Variants in PVT1 observed in about 807,000 individuals in gnomAD.
PVT1 encodes CXCR4/PVT1 fusion.
At chr8:127,918,052 TA>T (rs770019123) in intron 3 of PVT1, among the ~76,000 whole-genome samples, 1 of 152,250 alleles carries the variant, frequency 6.6e-6, no homozygotes, top group African/African-American at 2.4e-5. Context: ...CTGATGAAAG[TA>T]GTTGACATTT....
At chr8:128,083,029 G>A (rs1814207253) in intron 5 of PVT1, among the ~76,000 whole-genome samples, 1 of 152,176 alleles carries the variant, frequency 6.6e-6, no homozygotes, top group African/African-American at 2.4e-5. Context: ...GCACAGTGTA[G>A]AGCAGCTTAA....
chr8:127,826,876 T>G (rs891506216), intron 2 of PVT1, among the ~76,000 whole-genome samples: 1 of 152,178 alleles, frequency 6.6e-6, no homozygotes, highest in Non-Finnish European at 1.5e-5. Context: ...TGCTTCTTAA[T>G]GCAAGGAAAG....
chr8:127,850,046 A>G (rs570364778), intron 2 of PVT1, among the ~76,000 whole-genome samples: 9 of 151,800 alleles, frequency 5.9e-5, no homozygotes, highest in African/African-American at 2.2e-4. Context: ...CACAGCCTGT[A>G]CATATGTGTA....
chr8:128,018,695 TC>T (rs1374917927), intron 4 of PVT1, among the ~76,000 whole-genome samples: 1 of 152,190 alleles, frequency 6.6e-6, no homozygotes, highest in Non-Finnish European at 1.5e-5. Context: ...GGAGGCTGCA[TC>T]CTGACATTGA....
intron 3 of PVT1, among the ~76,000 whole-genome samples, chr8:127,969,293 A>T (rs1405245796): frequency 6.6e-6 from 1 of 152,120 alleles, no homozygotes; most frequent in Admixed American, 6.5e-5. Context: ...CATAGTTTGC[A>T]TCAACCAGGT....
Position 128,100,088 on chromosome 8 carries a change from A to G in PVT1, n.1251+3434A>G, listed in dbSNP as rs894610194. On this transcript the variant is annotated intron_variant and non_coding_transcript_variant, in intron 6 of 10. Transcript: ENST00000651587. ...AATGCTGAGTCTGCAAATTCCATAA[A>G]TTCTCCTTCCCTCCCTCCCTCCCAA... Among the ~76,000 whole-genome samples, 13 of 151,544 alleles carry G rather than the reference A, an allele frequency of 8.6e-5. No homozygotes were observed. In the East Asian group the frequency reaches 2.0e-3, roughly 23 times the overall value.
At chr8:127,947,386 A>G (rs1357299601) in intron 3 of PVT1, 7 of 249,088 alleles carry the variant, frequency 2.8e-5, no homozygotes, top group Non-Finnish European at 5.6e-5. Context: ...AGTTTGGGCA[A>G]AAACGGAACC....
At chr8:128,004,878 C>A (rs531448155) in intron 4 of PVT1, among the ~76,000 whole-genome samples, 211 of 152,288 alleles carry the variant, frequency 1.4e-3, no homozygotes, top group African/African-American at 4.8e-3. Context: ...CAGTGGCTCA[C>A]GCCTGTAATC....
chr8:127,879,400 G>A (rs1250689289), intron 2 of PVT1, among the ~76,000 whole-genome samples: 2 of 152,148 alleles, frequency 1.3e-5, no homozygotes, highest in African/African-American at 4.8e-5. Context: ...GTGGTGGCAG[G>A]TGCCTGTAAT....
At chr8:128,032,598 G>T (rs774625256) in intron 4 of PVT1, among the ~76,000 whole-genome samples, 1 of 152,202 alleles carries the variant, frequency 6.6e-6, no homozygotes, top group Non-Finnish European at 1.5e-5. Context: ...GTAACAAACT[G>T]CAGAATCTCA....
intron 2 of PVT1, among the ~76,000 whole-genome samples, chr8:127,810,846 A>G (rs1181672785): frequency 1.3e-5 from 2 of 152,108 alleles, no homozygotes; most frequent in Non-Finnish European, 2.9e-5. Context: ...CACCTCCTCC[A>G]GGAAGCATTC....
intron 2 of PVT1, among the ~76,000 whole-genome samples, chr8:127,818,840 T>C: frequency 6.6e-6 from 1 of 151,894 alleles, no homozygotes; most frequent in Non-Finnish European, 1.5e-5. Context: ...AGAGCTGGCA[T>C]GTGGTAGGTG....
chr8:127,960,954 GGC>G (rs1816635471), intron 3 of PVT1, among the ~76,000 whole-genome samples: 2 of 121,416 alleles, frequency 1.6e-5, no homozygotes, highest in African/African-American at 3.1e-5. Flanking sequence ...GGGGGGGGCG[GGC>G]GGGCACGAAT....
At chr8:128,026,928 A>C (rs1346428970) in intron 4 of PVT1, among the ~76,000 whole-genome samples, 1 of 152,152 alleles carries the variant, frequency 6.6e-6, no homozygotes. Flanking sequence ...CCTGACTCCC[A>C]GGCCTGTGCA....
chr8:128,049,062 T>TA (rs1384269107), intron 4 of PVT1: 1 of 476,984 alleles, frequency 2.1e-6, no homozygotes, highest in Non-Finnish European at 4.1e-6. Flanking sequence ...TTGGTAATAT[T>TA]ACCCAGCAAG....
chr8:127,898,595 C>A lies in PVT1; in HGVS notation n.782+7597C>A, dbSNP rs1693297301. Among the ~76,000 whole-genome samples the A allele has an allele frequency of 6.6e-6, 1 of 152,202 alleles. No individual in the cohort carries two copies. Among genetic ancestry groups the A allele is most frequent in the African/African-American group, 2.4e-5 (1 of 41,446 alleles). ...ATGGGCCACACTAGACTGGAGCCAACCATGGCCCATTGCTGAGACTCTGGG... is the reference window on the plus strand; with the variant it reads ...ATGGGCCACACTAGACTGGAGCCAAACATGGCCCATTGCTGAGACTCTGGG... On this transcript the variant is annotated intron_variant and non_coding_transcript_variant, in intron 3 of 10. Coordinates refer to ENST00000651587, the Ensembl canonical transcript of PVT1. This position sits in a 1 kb window ranked among gnomAD's most constrained non-coding sequence, Gnocchi z 4.4.
intron 4 of PVT1, among the ~76,000 whole-genome samples, chr8:128,050,841 T>C (rs557353279): frequency 7.9e-5 from 12 of 152,322 alleles, no homozygotes; most frequent in African/African-American, 2.9e-4. Flanking sequence ...TTATTCAAAC[T>C]CCACCTGTCC....
chr8:128,038,762 A>G (rs145274029), intron 4 of PVT1, among the ~76,000 whole-genome samples: 1 of 152,302 alleles, frequency 6.6e-6, no homozygotes, highest in Non-Finnish European at 1.5e-5. Context: ...GAAGTGGAGC[A>G]GCCCTGCCTC....
intron 4 of PVT1, chr8:127,998,111 T>C (rs1036806668): frequency 6.6e-6 from 1 of 152,266 alleles, no homozygotes; most frequent in African/African-American, 2.4e-5. Flanking sequence ...ATTACCTGGC[T>C]GCTGTAGTGG....
Sources: gnomAD v4.1 joint callset for allele counts (sites outside exome capture counted in the v4.1 genomes callset) on GRCh38, gnomAD v4.1.1 for gene constraint, Gnocchi (gnomAD v3.1) non-coding constraint, MANE v1.5 for transcripts, NCBI Gene and HGNC (gene_info 2026-07-23, HGNC 2026-07-21) for gene names.